The following CEP126 variants were observed in gnomAD, a reference collection of about 807,000 sequenced individuals.
CEP126 encodes the protein centrosomal protein 126.
In CEP126, 74 loss-of-function variants were observed where a neutral mutation model predicts 107.8. The observed-to-expected ratio is 0.69, with a 90% CI of 0.57 to 0.83. The LOEUF (loss-of-function observed/expected upper bound fraction) is 0.83. Among genes scored for constraint, CEP126 ranks in the 40% least tolerant of loss-of-function variants. The pLI, the probability that CEP126 is intolerant of heterozygous loss-of-function variation, is 0.00. For missense variants in CEP126, 1,237 were observed against 1,281.9 expected (o/e 0.96, Z 0.53); for synonymous variants, 449 against 446.0 (o/e 1.01, Z -0.08).
At chr11:101,985,267 A>G (rs1315922428) in intron 8 of CEP126, among the ~76,000 whole-genome samples, 1 of 151,920 alleles carries the variant, frequency 6.6e-6, no homozygotes, top group Non-Finnish European at 1.5e-5. Context: ...TAAGGTATAT[A>G]TGAAACATAA....
chr11:101,964,231 A>T (rs1941031530), intron 6 of CEP126, among the ~76,000 whole-genome samples: 1 of 150,438 alleles, frequency 6.6e-6, no homozygotes, highest in Non-Finnish European at 1.5e-5. Context: ...TGAACCTGGG[A>T]GGTAGAGGTT....
At chr11:101,926,142 T>C (rs1242030290) in intron 2 of CEP126, among the ~76,000 whole-genome samples, 1 of 152,100 alleles carries the variant, frequency 6.6e-6, no homozygotes, top group African/African-American at 2.4e-5. Flanking sequence ...AGTGAAGTAA[T>C]AAAAGATGGC....
chr11:101,927,016 T>C (rs1565349952), intron 2 of CEP126, among the ~76,000 whole-genome samples: 1 of 152,180 alleles, frequency 6.6e-6, no homozygotes. Flanking sequence ...AAAATTAAAC[T>C]GTTGGCTGGG....
intron 3 of CEP126, among the ~76,000 whole-genome samples, chr11:101,945,947 C>G (rs1940730409): frequency 6.6e-6 from 1 of 151,966 alleles, no homozygotes; most frequent in South Asian, 2.1e-4. Flanking sequence ...CTAGGGGTCT[C>G]TGCTATAATT....
In CEP126 at chr11:101,961,889, C is replaced by G; in HGVS notation, c.854C>G (p.Pro285Arg). 6.2e-7 allele frequency: 1 copy of G among 1,613,048 alleles called. No homozygotes were observed. The highest frequency in any genetic ancestry group is 8.5e-7 in the Non-Finnish European group (1 of 1,179,378). ...SIQRNTISLK[P>R]ANMQSTNLSC... is the part of the protein sequence containing the mutation. ...CAGCGGAATACCATTTCCCTCAAACCAGCAAATATGCAATCAACTAATCTC... is the reference window on the plus strand; with the variant it reads ...CAGCGGAATACCATTTCCCTCAAACGAGCAAATATGCAATCAACTAATCTC... The change falls in exon 6 of 11, where the codon CCA becomes CGA. Residue 285 changes from proline (P) to arginine (R), a missense_variant. By Grantham distance (103) the Pro-to-Arg change is moderately radical (BLOSUM62 -2). Around this residue, in one of 3 missense-constraint regions of CEP126, gnomAD observed 1,134 missense variants for 1,150.5 expected, o/e 0.99. Transcript: ENST00000263468.
At chr11:101,989,832 T>C (rs142430871) in intron 9 of CEP126, among the ~76,000 whole-genome samples, 89 of 152,094 alleles carry the variant, frequency 5.9e-4, no homozygotes, top group African/African-American at 2.0e-3. Context: ...TGGTGGTGGG[T>C]GCCTGTAGCC....
chr11:101,920,165 T>C (rs765191527), intron 1 of CEP126, among the ~76,000 whole-genome samples: 8 of 152,196 alleles, frequency 5.3e-5, no homozygotes, highest in Non-Finnish European at 1.0e-4. Context: ...GGTATAAAGA[T>C]GGTTAAATAG....
At chr11:101,946,223 C>T (rs766692845) in intron 3 of CEP126, among the ~76,000 whole-genome samples, 4 of 151,982 alleles carry the variant, frequency 2.6e-5, no homozygotes, top group Non-Finnish European at 5.9e-5. Flanking sequence ...GATATAATCA[C>T]GGCCAGCCGA....
intron 2 of CEP126, among the ~76,000 whole-genome samples, chr11:101,934,413 A>T (rs751122818): frequency 6.6e-6 from 1 of 151,910 alleles, no homozygotes; most frequent in Non-Finnish European, 1.5e-5. Context: ...TCTCTGATCT[A>T]TATCTCCTAT....
chr11:101,997,767 C>T lies in CEP126; in HGVS notation c.*124C>T. On this transcript the variant is annotated 3_prime_UTR_variant, in exon 11 of 11. Transcript: ENST00000263468. The stretch of plus-strand genomic sequence containing the variant: ...CAACCCCCATGAACATTTGTCCTAA[C>T]TCAGATTTTGTGAGCAGTGAAGTTT... The T allele has an allele frequency of 3.6e-6, 5 of 1,381,630 alleles. No homozygotes were observed. The highest frequency in any genetic ancestry group is 2.3e-5 in the East Asian group (1 of 43,208). The allele number at this position is 1,381,630 out of a possible 1,614,324, so 85.6% of individuals were successfully genotyped here.
chr11:101,935,009 A>G (rs1387709479), intron 2 of CEP126, among the ~76,000 whole-genome samples: 2 of 151,848 alleles, frequency 1.3e-5, no homozygotes, highest in Admixed American at 6.6e-5. Flanking sequence ...TTTTTTACAC[A>G]CCCTCCAGCA....
At position 101,971,263 on chromosome 11, in the gene CEP126, C is replaced by T. The variant is rs976143592; in HGVS notation, c.2846-7084C>T. ...TACTGGGATTGTAGGCGTGAGCCACCGTGCCCAGCCTTACTTTGTTTTTTT... is the reference window on the plus strand; with the variant it reads ...TACTGGGATTGTAGGCGTGAGCCACTGTGCCCAGCCTTACTTTGTTTTTTT... On this transcript the variant is annotated intron_variant, in intron 6 of 10. Coordinates refer to ENST00000263468, the MANE Select transcript of CEP126 (RefSeq NM_020802.4). 2.6e-5 allele frequency among the ~76,000 whole-genome samples: 4 copies of T among 151,980 alleles called. No homozygotes were observed. The East Asian group carries it at 5.8e-4, about 22-fold the overall frequency.
At chr11:101,973,947 C>T (rs1332611035) in intron 6 of CEP126, among the ~76,000 whole-genome samples, 9 of 151,880 alleles carry the variant, frequency 5.9e-5, no homozygotes, top group Non-Finnish European at 1.2e-4. Flanking sequence ...ATATACAGAT[C>T]CAATATAGAT....
At position 101,994,872 on chromosome 11, in the gene CEP126, G is replaced by GTT. The variant is rs5794151; in HGVS notation, c.3309+2043_3309+2044dup. ...TCCATATCTTTTCTGTGTCTTGAGA[G>GTT]TTTTTTTTTTTTTTAATTATACTTT... On this transcript the variant is annotated intron_variant, in intron 10 of 10. Transcript: ENST00000263468. 4.9e-3 allele frequency among the ~76,000 whole-genome samples: 710 copies of GTT among 145,742 alleles called. 5 individuals carry two copies. The highest frequency in any genetic ancestry group is 0.014 in the African/African-American group (557 of 39,778).
intron 8 of CEP126, among the ~76,000 whole-genome samples, chr11:101,984,531 TTAAGA>T (rs1941294239): frequency 6.6e-6 from 1 of 152,174 alleles, no homozygotes; most frequent in Non-Finnish European, 1.5e-5. Context: ...GAGCTCTGAA[TTAAGA>T]TGATTGTGAT....
chr11:101,966,630 G>A (rs1002226037), intron 6 of CEP126, among the ~76,000 whole-genome samples: 6 of 152,090 alleles, frequency 3.9e-5, no homozygotes, highest in African/African-American at 1.4e-4. Context: ...GGATAGTTCA[G>A]CTTTTATATG....
chr11:101,971,006 C>T (rs148849557), intron 6 of CEP126, among the ~76,000 whole-genome samples: 237 of 152,234 alleles, frequency 1.6e-3, no homozygotes, highest in African/African-American at 5.4e-3. Flanking sequence ...ACAAGGGTCT[C>T]ACTCTGTCAC....
chr11:101,962,141 C>G lies in CEP126; in HGVS notation c.1106C>G (p.Pro369Arg), dbSNP rs775494260. The change falls in exon 6 of 11, where the codon CCC becomes CGC. Residue 369 changes from proline to arginine, a missense_variant. Pro to Arg is a moderately radical substitution (Grantham distance 103). Coordinates refer to ENST00000263468, the MANE Select transcript of CEP126 (RefSeq NM_020802.4). ...ACAAATACTGCTAATAATTCAGTAC[C>G]CTTTGTATCTAGCCCACCCATGTTT... Reference protein sequence around the residue: ...RATNTANNSVPFVSSPPMFVL... With the variant: ...RATNTANNSVRFVSSPPMFVL... 20 of 1,612,752 alleles carry G rather than the reference C, an allele frequency of 1.2e-5. No individual in the cohort carries two copies. Among genetic ancestry groups the G allele is most frequent in the Admixed American group, 1.7e-5 (1 of 59,802 alleles).
chr11:101,956,094 G>A (rs1270087298), intron 4 of CEP126: 1 of 456,420 alleles, frequency 2.2e-6, no homozygotes, highest in East Asian at 7.0e-5. Context: ...ATTCCTTCTT[G>A]CCCACCTGGC....
Sources: allele counts gnomAD v4.1 joint callset (sites outside exome capture counted in the v4.1 genomes callset), GRCh38; gene constraint gnomAD v4.1.1; regional missense constraint gnomAD v4.1.1; transcripts MANE v1.5; gene names NCBI Gene and HGNC (gene_info 2026-07-23, HGNC 2026-07-21).